The following ATXN2 variants were observed in gnomAD, a reference collection of about 807,000 sequenced individuals.
ATXN2 encodes the protein ataxin-2.
ATXN2 carries 37 observed loss-of-function variants against 138.6 expected under a neutral mutation model. The observed-to-expected ratio is 0.27, with a 90% CI of 0.21 to 0.35. The LOEUF is 0.35. Ranked by LOEUF, ATXN2 falls within the 10% of genes least tolerant of loss-of-function variation. The pLI is 1.00. For synonymous variants in ATXN2, 549 were observed against 543.7 expected (o/e 1.01, Z -0.13); for missense variants, 1,216 against 1,480.3 (o/e 0.82, Z 2.93).
intron 8 of ATXN2, 93 bp downstream of exon 8, chr12:111,519,786 T>C: frequency 6.3e-7 from 1 of 1,584,168 alleles, no homozygotes; most frequent in Non-Finnish European, 8.6e-7. Context: ...CTAAGCTATA[T>C]TAAAGGAAGA....
At chr12:111,463,001 C>T (rs535665042) in intron 21 of ATXN2, among the ~76,000 whole-genome samples, 46 of 130,962 alleles carry the variant, frequency 3.5e-4, no homozygotes, top group African/African-American at 1.8e-3. Flanking sequence ...CACACACACA[C>T]ATATATGTAT....
In ATXN2 at chr12:111,520,915, A is replaced by G. The variant is rs1566039717; in HGVS notation, c.755T>C (p.Val252Ala). The G allele has an allele frequency of 6.2e-7, 1 of 1,600,470 alleles. No homozygotes were observed. The highest frequency in any genetic ancestry group is 8.5e-7 in the Non-Finnish European group (1 of 1,171,652). ...FRYNEENYGVVSTYDSSLSSY... is the reference protein window; with the variant it reads ...FRYNEENYGVASTYDSSLSSY... The stretch of plus-strand genomic sequence containing the variant: ...AGATAAACTGCTATCATACGTAGAC[A>G]CTACACCATAATTTTCTTCATTATA... Residue 252 changes from valine (V) to alanine (A), a missense_variant, in exon 7 of 25, where the codon GTG becomes GCG. Val to Ala is a moderately conservative substitution (Grantham distance 64, BLOSUM62 0). This residue lies in a region of ATXN2 where 401 missense variants were observed against 528.1 expected (regional missense o/e 0.76). Transcript: ENST00000673436.
chr12:111,459,517 T>C (rs1359366895), intron 21 of ATXN2, among the ~76,000 whole-genome samples: 2 of 152,238 alleles, frequency 1.3e-5, no homozygotes, highest in East Asian at 1.9e-4. Flanking sequence ...CTCGGCTCAC[T>C]GCAACCTCCG....
intron 18 of ATXN2, among the ~76,000 whole-genome samples, chr12:111,482,227 C>T (rs1877293826): frequency 1.4e-5 from 2 of 143,510 alleles, no homozygotes; most frequent in Non-Finnish European, 3.0e-5. Context: ...CGGAGTCTCG[C>T]TCTGTCACCC....
intron 21 of ATXN2, 101 bp from the exon 22 acceptor site, chr12:111,457,460 A>C: frequency 2.2e-6 from 3 of 1,350,420 alleles, no homozygotes; most frequent in Non-Finnish European, 3.0e-6. Context: ...GTTACAATGC[A>C]TAACTCACGC....
intron 1 of ATXN2, among the ~76,000 whole-genome samples, chr12:111,582,433 C>T (rs1202895760): frequency 1.4e-5 from 2 of 144,412 alleles, no homozygotes; most frequent in African/African-American, 2.8e-5. Flanking sequence ...CAAAGCGAGA[C>T]GGTGTCTCAA....
intron 5 of ATXN2, 31 bp from the exon 6 acceptor site, chr12:111,525,347 T>C (rs1880423642): frequency 2.6e-6 from 4 of 1,526,336 alleles, no homozygotes; most frequent in East Asian, 4.7e-5. Flanking sequence ...TGAAAGTTTA[T>C]ATAATCTGGC....
intron 1 of ATXN2, among the ~76,000 whole-genome samples, chr12:111,566,193 A>G (rs1324742090): frequency 6.6e-6 from 1 of 151,972 alleles, no homozygotes; most frequent in Non-Finnish European, 1.5e-5. Context: ...AACACTTCGG[A>G]AGGCCGAGGC....
intron 18 of ATXN2, chr12:111,471,731 T>A (rs938605272): frequency 1.3e-5 from 2 of 151,748 alleles, no homozygotes; most frequent in South Asian, 2.1e-4. Context: ...TTATCTTGGA[T>A]GCACGTATTT....
At position 111,548,631 on chromosome 12, in the gene ATXN2, A is replaced by G. The variant is rs76840892; in HGVS notation, c.571+3649T>C. ...CCACTTCTATTATAAAAAACACTCTATCTATCCATTCAAGATGTGGAAAAG... is the reference window on the plus strand; with the variant it reads ...CCACTTCTATTATAAAAAACACTCTGTCTATCCATTCAAGATGTGGAAAAG... On this transcript the variant is annotated intron_variant, in intron 5 of 24. Transcript: ENST00000673436. Among the ~76,000 whole-genome samples, 1,218 of 152,094 alleles carry G rather than the reference A, an allele frequency of 8.0e-3. 17 individuals carry two copies. The highest frequency in any genetic ancestry group is 0.028 in the African/African-American group (1,169 of 41,498).
chr12:111,481,002 T>C lies in ATXN2; in HGVS notation c.2524+4263A>G, dbSNP rs183799772. 1.9e-3 allele frequency among the ~76,000 whole-genome samples: 296 copies of C among 152,268 alleles called. 6 individuals carry two copies. Among genetic ancestry groups the C allele is most frequent in the East Asian group, 3.7e-3 (19 of 5,176 alleles). On this transcript the variant is annotated intron_variant, in intron 18 of 24. Transcript: ENST00000673436. ...AAAAACTGTGTTACAAAGAACACCA[T>C]CAAGCAAGTAAAAAGATAACCTATA...
At chr12:111,518,123 G>A in intron 9 of ATXN2, 126 bp downstream of exon 9, 1 of 832,320 alleles carries the variant, frequency 1.2e-6, no homozygotes, top group Non-Finnish European at 1.7e-6. Context: ...TAATGCTGAA[G>A]TGAAAGCTAC....
intron 5 of ATXN2, among the ~76,000 whole-genome samples, chr12:111,529,016 C>T (rs1396272909): frequency 6.6e-6 from 1 of 151,910 alleles, no homozygotes; most frequent in Admixed American, 6.6e-5. Flanking sequence ...GTCACTCATG[C>T]TGGAGTGTAG....
intron 5 of ATXN2, among the ~76,000 whole-genome samples, chr12:111,535,576 C>T (rs1566049230): frequency 6.6e-6 from 1 of 151,730 alleles, no homozygotes. Context: ...GAGCCAAGAT[C>T]GCGCCACTGC....
chr12:111,597,971 C>T, intron 1 of ATXN2: 1 of 1,221,486 alleles, frequency 8.2e-7, no homozygotes, highest in Non-Finnish European at 1.0e-6. Context: ...GCGGATCGGC[C>T]ACCACCCGCG....
chr12:111,494,742 C>T (rs2135710238), intron 14 of ATXN2, among the ~76,000 whole-genome samples: 1 of 151,560 alleles, frequency 6.6e-6, no homozygotes, highest in South Asian at 2.1e-4. Flanking sequence ...GATCTTAAAT[C>T]AAAAACACCT....
chr12:111,574,179 G>A (rs1255163889), intron 1 of ATXN2, among the ~76,000 whole-genome samples: 2 of 151,398 alleles, frequency 1.3e-5, no homozygotes, highest in African/African-American at 4.8e-5. Flanking sequence ...GTGGTGGCGG[G>A]CACCTGTAGT....
chr12:111,513,684 A>AC, intron 10 of ATXN2, 145 bp from the exon 11 acceptor site: 1 of 645,082 alleles, frequency 1.6e-6, no homozygotes, highest in Non-Finnish European at 2.3e-6. Context: ...AAAAAAAAAA[A>AC]CACCATACAT....
chr12:111,477,218 T>A, intron 18 of ATXN2, among the ~76,000 whole-genome samples: 1 of 149,070 alleles, frequency 6.7e-6, no homozygotes. Context: ...TAGCTGGGTG[T>A]AGTGGCGGGC....
Sources: gnomAD v4.1 joint callset for allele counts (sites outside exome capture counted in the v4.1 genomes callset) on GRCh38, gnomAD v4.1.1 for gene constraint, gnomAD v4.1.1 regional missense constraint, MANE v1.5 for transcripts, NCBI Gene and HGNC (gene_info 2026-07-23, HGNC 2026-07-21) for gene names.